The following TXNRD2 variants were observed in gnomAD, a reference collection of about 807,000 sequenced individuals.
TXNRD2 encodes thioredoxin reductase 2.
Under a neutral mutation model 70.8 loss-of-function variants are expected in TXNRD2, and 67 were observed. The ratio of observed to expected loss-of-function variants is 0.95; its 90% CI spans 0.78 to 1.16. The LOEUF is 1.16. Ranked by LOEUF, TXNRD2 falls within the 50% of genes most tolerant of loss-of-function variation. The probability of loss-of-function intolerance (pLI) is 0.00; values close to 1 mark genes in which losing one functional copy is unlikely to be tolerated. For synonymous variants in TXNRD2, 301 were observed against 295.8 expected, an observed-to-expected ratio of 1.02 and a Z score of -0.18; for missense variants, 644 against 719.9, an observed-to-expected ratio of 0.89 and a Z score of 1.21.
At chr22:19,940,564 G>A (rs151129195) in intron 1 of TXNRD2, among the ~76,000 whole-genome samples, 2 of 152,302 alleles carry the variant, frequency 1.3e-5, no homozygotes, top group African/African-American at 2.4e-5. Context: ...GTATGGGAAG[G>A]GGAAGCTTTT....
In TXNRD2 at chr22:19,941,769, C is replaced by T. The variant is rs1388977857; in HGVS notation, c.35G>A (p.Gly12Glu). 7 of 1,523,284 alleles carry T rather than the reference C, an allele frequency of 4.6e-6. No individual in the cohort carries two copies. Among genetic ancestry groups the T allele is most frequent in the Non-Finnish European group, 6.1e-6 (7 of 1,145,150 alleles). The allele number at this position is 1,523,284 out of a possible 1,614,324, so 94.4% of individuals were successfully genotyped here. A position where few individuals can be genotyped will look rare whatever the true frequency, so the allele number is the denominator to read the frequency against. ...CTGCGTCCGCCACCGGAAGCGCCCT[C>T]CTAATCCCCGCAGCGCCACCGCCAT... is the stretch of plus-strand genomic sequence containing the variant. The part of the protein sequence containing the change: ...AAMAVALRGL[G>E]GRFRWRTQAV... Residue 12 changes from glycine (G) to glutamate (E), a missense_variant, in exon 1 of 18, where the codon GGA becomes GAA. Transcript: ENST00000400521.
chr22:19,917,222 AG>A (rs1940678154), intron 5 of TXNRD2, among the ~76,000 whole-genome samples: 1 of 152,196 alleles, frequency 6.6e-6, no homozygotes, highest in Non-Finnish European at 1.5e-5. Context: ...GTGCCCGTCC[AG>A]GAGCTGCCCA....
intron 1 of TXNRD2, among the ~76,000 whole-genome samples, chr22:19,935,131 G>A (rs1007646739): frequency 9.1e-4 from 138 of 152,294 alleles, no homozygotes; most frequent in African/African-American, 3.3e-3. Context: ...TTCTTGCAGA[G>A]AGCTTATAAA....
intron 5 of TXNRD2, 57 bp downstream of exon 5, chr22:19,918,086 C>A (rs755195147): frequency 2.9e-5 from 42 of 1,463,910 alleles, no homozygotes; most frequent in East Asian, 6.8e-5. Flanking sequence ...TGTCCAGGCA[C>A]AGAACGCCCA....
At chr22:19,918,378 G>A (rs1432063104) in intron 4 of TXNRD2, among the ~76,000 whole-genome samples, 161 bp from the exon 5 acceptor site, 2 of 152,340 alleles carry the variant, frequency 1.3e-5, no homozygotes, top group East Asian at 1.9e-4. Context: ...ACGTGCAACC[G>A]CCTGTCCCAG....
intron 8 of TXNRD2, chr22:19,903,108 T>C (rs1312029382): frequency 2.0e-6 from 1 of 501,852 alleles, no homozygotes; most frequent in Non-Finnish European, 4.0e-6. Context: ...CAGGCCTGGC[T>C]GGCTGCAGCC....
intron 11 of TXNRD2, 89 bp downstream of exon 11, chr22:19,895,318 G>A (rs915103845): frequency 1.0e-5 from 16 of 1,600,278 alleles, no homozygotes; most frequent in Admixed American, 6.7e-5. Context: ...GGATGGGGGA[G>A]CCCTGGGAGG....
intron 16 of TXNRD2, 119 bp from the exon 17 acceptor site, chr22:19,877,353 C>G (rs548860796): frequency 1.1e-6 from 1 of 920,628 alleles, no homozygotes; most frequent in Non-Finnish European, 1.7e-6. Context: ...GTCCCCTGAC[C>G]CCCAGCCAGC....
intron 2 of TXNRD2, among the ~76,000 whole-genome samples, chr22:19,930,036 C>T (rs1941300385): frequency 6.6e-6 from 1 of 152,180 alleles, no homozygotes; most frequent in South Asian, 2.1e-4. Context: ...CTAAAAGGAA[C>T]AGCACTAGGC....
intron 8 of TXNRD2, among the ~76,000 whole-genome samples, chr22:19,907,019 C>T (rs55758857): frequency 1.4e-5 from 1 of 70,412 alleles, no homozygotes; most frequent in Non-Finnish European, 2.8e-5. Flanking sequence ...AGTGTGGGCG[C>T]ACCGTAAGTA....
chr22:19,918,310 T>A, intron 4 of TXNRD2, 93 bp from the exon 5 acceptor site: 1 of 1,159,114 alleles, frequency 8.6e-7, no homozygotes, highest in South Asian at 1.3e-5. Flanking sequence ...GGTACATTCA[T>A]AGAAATATCA....
At chr22:19,882,069 A>C (rs1016186207) in intron 12 of TXNRD2, among the ~76,000 whole-genome samples, 1 of 152,182 alleles carries the variant, frequency 6.6e-6, no homozygotes, top group Middle Eastern at 3.2e-3. Flanking sequence ...TAAGAGGCAA[A>C]TCAGGGCCCA....
chr22:19,880,895 A>C, intron 12 of TXNRD2, 178 bp from the exon 13 acceptor site: 2 of 609,370 alleles, frequency 3.3e-6, no homozygotes, highest in Non-Finnish European at 5.9e-6. Context: ...GGGGCATCCC[A>C]AGGACCTAGG....
intron 17 of TXNRD2, 149 bp downstream of exon 17, chr22:19,876,891 C>G: frequency 1.9e-6 from 1 of 523,362 alleles, no homozygotes; most frequent in Non-Finnish European, 3.1e-6. Context: ...TGCCTGTCAC[C>G]GCTGTGGCCT....
chr22:19,941,589 C>A (rs907047652), intron 1 of TXNRD2, 112 bp downstream of exon 1: 32 of 1,335,706 alleles, frequency 2.4e-5, no homozygotes, highest in Non-Finnish European at 3.0e-5. Flanking sequence ...TGTGGACACC[C>A]CCGCGTGGGC....
chr22:19,920,545 T>C (rs554165519), intron 2 of TXNRD2, among the ~76,000 whole-genome samples: 119 of 151,460 alleles, frequency 7.9e-4, no homozygotes, highest in African/African-American at 2.7e-3. Context: ...ATCACACCAC[T>C]GTACTCCAGC....
intron 1 of TXNRD2, among the ~76,000 whole-genome samples, chr22:19,940,620 C>A (rs1451404542): frequency 3.9e-5 from 6 of 152,212 alleles, no homozygotes; most frequent in Admixed American, 3.9e-4. Flanking sequence ...TGATTCTGAA[C>A]CCCATGATAA....
In TXNRD2 at chr22:19,883,309, G is replaced by A. The variant is rs372709644; in HGVS notation, c.1086+16C>T. 110 of 1,611,546 alleles carry A rather than the reference G, an allele frequency of 6.8e-5. No individual in the cohort carries two copies. The highest frequency in any genetic ancestry group is 2.5e-4 in the African/African-American group (19 of 74,898). ...AGGCAGGGGCAGGGGCCCTGGTCCC[G>A]GGACGCATGCCGTACCTCCACCACG... On this transcript the variant is annotated intron_variant, in intron 12 of 17. Coordinates refer to ENST00000400521, the MANE Select transcript of TXNRD2 (RefSeq NM_006440.5).
chr22:19,888,970 C>T (rs1939148750), intron 11 of TXNRD2, among the ~76,000 whole-genome samples: 1 of 151,826 alleles, frequency 6.6e-6, no homozygotes, highest in African/African-American at 2.4e-5. Context: ...GAAGGGGACG[C>T]ACCTGCCCTG....
Sources: gnomAD v4.1 joint callset for allele counts (sites outside exome capture counted in the v4.1 genomes callset) on GRCh38, gnomAD v4.1.1 for gene constraint, MANE v1.5 for transcripts, NCBI Gene and HGNC (gene_info 2026-07-23, HGNC 2026-07-21) for gene names.